Variants in TANC1 observed in about 807,000 individuals in gnomAD.
TANC1 encodes protein TANC1.
A neutral mutation model predicts 149.7 loss-of-function variants in TANC1; 77 were observed. The observed-to-expected ratio is 0.51, with a 90% CI of 0.43 to 0.62. The LOEUF (loss-of-function observed/expected upper bound fraction) is 0.62. TANC1 is among the 20% of genes least tolerant of loss of function. The pLI is 0.00. For missense variants in TANC1, 1,985 were observed against 2,321.8 expected (o/e 0.85, Z 2.98); for synonymous variants, 854 against 925.0 (o/e 0.92, Z 1.39).
chr2:159,182,679 G>A (rs1170323704), intron 14 of TANC1, among the ~76,000 whole-genome samples: 1 of 152,168 alleles, frequency 6.6e-6, no homozygotes, highest in Non-Finnish European at 1.5e-5. Flanking sequence ...TAAATTGGTA[G>A]TGAAGTTTAG....
At chr2:159,139,959 G>A (rs1288351896) in intron 5 of TANC1, among the ~76,000 whole-genome samples, 1 of 152,018 alleles carries the variant, frequency 6.6e-6, no homozygotes, top group African/African-American at 2.4e-5. Context: ...GTGGTGGCTC[G>A]CCCTTATAAT....
At chr2:158,991,341 A>G (rs2035607222) in intron 1 of TANC1, among the ~76,000 whole-genome samples, 1 of 152,176 alleles carries the variant, frequency 6.6e-6, no homozygotes, top group Admixed American at 6.5e-5. Flanking sequence ...TGGTACATCC[A>G]TACGATAGAG....
intron 18 of TANC1, among the ~76,000 whole-genome samples, chr2:159,197,149 A>C (rs2057919811): frequency 6.6e-6 from 1 of 152,220 alleles, no homozygotes; most frequent in Non-Finnish European, 1.5e-5. Context: ...ATTTAAAAAT[A>C]ATCACATAGA....
chr2:159,144,109 A>G lies in TANC1; in HGVS notation c.365-5033A>G, dbSNP rs554406323. 2.2e-4 allele frequency among the ~76,000 whole-genome samples: 34 copies of G among 152,182 alleles called. 1 individual carries two copies. The South Asian group carries it at 7.1e-3, about 32-fold the overall frequency. On this transcript the variant is annotated intron_variant, in intron 5 of 26. Coordinates refer to ENST00000263635, the MANE Select transcript of TANC1 (RefSeq NM_033394.3). Reference sequence around the variant, plus strand: ...GAAAAGAGGGAGAAAATAAAAATAGAGATGAGAAAATTGATCCAAACTCTG... The same window carrying G: ...GAAAAGAGGGAGAAAATAAAAATAGGGATGAGAAAATTGATCCAAACTCTG...
intron 3 of TANC1, among the ~76,000 whole-genome samples, chr2:159,086,760 C>A (rs921362915): frequency 3.3e-5 from 5 of 152,158 alleles, no homozygotes; most frequent in African/African-American, 1.2e-4. Context: ...TACTTCCACT[C>A]CCTTCAAAAT....
At chr2:159,095,102 T>C (rs1208151363) in intron 3 of TANC1, among the ~76,000 whole-genome samples, 2 of 151,956 alleles carry the variant, frequency 1.3e-5, no homozygotes, top group East Asian at 1.9e-4. Flanking sequence ...CCCACCACCA[T>C]GCCCAGCTAT....
chr2:159,136,048 G>GCA (rs2050675767), intron 4 of TANC1, 146 bp from the exon 5 acceptor site: 1 of 242,974 alleles, frequency 4.1e-6, no homozygotes, highest in Non-Finnish European at 7.8e-6. Flanking sequence ...GTGTGTGTGT[G>GCA]TGCGCGCGCG....
At chr2:159,156,166 G>T (rs1013411307) in intron 7 of TANC1, among the ~76,000 whole-genome samples, 1 of 152,134 alleles carries the variant, frequency 6.6e-6, no homozygotes, top group Non-Finnish European at 1.5e-5. Context: ...CTACTAAATT[G>T]AAATGCTTTG....
chr2:159,213,369 AG>A (rs1430957221), intron 19 of TANC1, among the ~76,000 whole-genome samples: 1 of 150,604 alleles, frequency 6.6e-6, no homozygotes, highest in Admixed American at 6.6e-5. Flanking sequence ...CTCAGAGTAT[AG>A]ATAGGATCAC....
At chr2:159,161,586 A>G (rs186602162) in intron 7 of TANC1, among the ~76,000 whole-genome samples, 1 of 152,254 alleles carries the variant, frequency 6.6e-6, no homozygotes, top group African/African-American at 2.4e-5. Flanking sequence ...CACTTCTAGC[A>G]TATAGCAAAC....
intron 2 of TANC1, among the ~76,000 whole-genome samples, chr2:159,025,156 T>G (rs1006417579): frequency 4.0e-5 from 6 of 148,474 alleles, no homozygotes; most frequent in Non-Finnish European, 9.0e-5. Flanking sequence ...TTCTTTCTCT[T>G]TCTCTTTTTC....
At chr2:159,161,351 C>T (rs2054028939) in intron 7 of TANC1, among the ~76,000 whole-genome samples, 1 of 152,204 alleles carries the variant, frequency 6.6e-6, no homozygotes, top group Non-Finnish European at 1.5e-5. Flanking sequence ...TGGAACTCTT[C>T]CTGTCACTTG....
At chr2:158,982,695 C>T (rs922926883) in intron 1 of TANC1, among the ~76,000 whole-genome samples, 3 of 152,336 alleles carry the variant, frequency 2.0e-5, no homozygotes, top group African/African-American at 7.2e-5. Context: ...GCAGCTTCAA[C>T]CTCCTGGGCT....
Position 159,230,091 on chromosome 2 carries a change from G to C in TANC1, c.4665G>C (p.Gln1555His). ...TGAGAAATGGCAGTATGAAAGTTCA[G>C]ATCTCTTCTCAGAACCCTCCTCCAA... ...SAVRNGSMKV[Q>H]ISSQNPPPSP... Residue 1555 changes from glutamine to histidine, a missense_variant, in exon 27 of 27, where the codon CAG (glutamine) becomes CAC (histidine). Coordinates refer to ENST00000263635, the MANE Select transcript of TANC1 (RefSeq NM_033394.3). The surrounding 1 kb of genome is among the most constrained non-coding windows in gnomAD (Gnocchi z 4.4). 1 of 1,613,984 alleles carries C rather than the reference G, an allele frequency of 6.2e-7. No individual in the cohort carries two copies. The highest frequency in any genetic ancestry group is 8.5e-7 in the Non-Finnish European group (1 of 1,180,050).
intron 8 of TANC1, among the ~76,000 whole-genome samples, chr2:159,164,450 G>T (rs2054371286): frequency 6.6e-6 from 1 of 152,194 alleles, no homozygotes; most frequent in Non-Finnish European, 1.5e-5. Context: ...TCCTCAGGGG[G>T]CCCTGGAAGT....
In TANC1 at chr2:159,082,904, G is replaced by A. The variant is rs559423248; in HGVS notation, c.62-14733G>A. Among the ~76,000 whole-genome samples, 17 of 152,166 alleles carry A rather than the reference G, an allele frequency of 1.1e-4. No homozygotes were observed. The South Asian group carries it at 3.1e-3, about 28-fold the overall frequency. ...GACTCAAATTCCCTTAAGACCTACC[G>A]AATTTAGTGTTGGGGTCCAAGCATC... On this transcript the variant is annotated intron_variant, in intron 3 of 26. Coordinates refer to ENST00000263635, the MANE Select transcript of TANC1 (RefSeq NM_033394.3).
At chr2:159,098,152 A>T (rs1411594807) in intron 4 of TANC1, among the ~76,000 whole-genome samples, 1 of 152,126 alleles carries the variant, frequency 6.6e-6, no homozygotes, top group Non-Finnish European at 1.5e-5. Context: ...CCGACTAATG[A>T]TGTTTCTTTT....
In TANC1 at chr2:159,172,256, A is replaced by G. The variant is rs764603533; in HGVS notation, c.1487A>G (p.Lys496Arg). 2.5e-6 allele frequency: 4 copies of G among 1,613,980 alleles called. No homozygotes were observed. In the East Asian group the frequency reaches 8.9e-5, roughly 36 times the overall value. The change falls in exon 11 of 27, where the codon AAA becomes AGA. Residue 496 changes from lysine to arginine, a missense_variant. Physicochemically the swap from Lys to Arg is conservative, Grantham distance 26. Coordinates refer to ENST00000263635, the MANE Select transcript of TANC1 (RefSeq NM_033394.3). ...CAGAGACCAAGAGAGGATGCAGTGA[A>G]ATATCTTGCTTCTAAGGTAATCTTT... ...ENQRPREDAV[K>R]YLASKVVAYH...
intron 2 of TANC1, among the ~76,000 whole-genome samples, chr2:159,006,975 T>TA (rs1003602019): frequency 2.0e-5 from 3 of 152,154 alleles, no homozygotes; most frequent in Admixed American, 2.0e-4. Flanking sequence ...ATATAGTTCT[T>TA]ACACAGGTAT....
Sources: gnomAD v4.1 joint callset for allele counts (sites outside exome capture counted in the v4.1 genomes callset) on GRCh38, gnomAD v4.1.1 for gene constraint, Gnocchi (gnomAD v3.1) non-coding constraint, MANE v1.5 for transcripts, NCBI Gene and HGNC (gene_info 2026-07-23, HGNC 2026-07-21) for gene names.